ST6GALNAC3: variants seen among roughly 807,000 people sequenced by gnomAD.
The protein encoded by ST6GALNAC3 is alpha-N-acetylgalactosaminide alpha-2,6-sialyltransferase 3.
Under a neutral mutation model 32.7 loss-of-function variants are expected in ST6GALNAC3, and 25 were observed. The ratio of observed to expected loss-of-function variants is 0.76; its 90% CI spans 0.56 to 1.07. The LOEUF is 1.07. Ranked by LOEUF, ST6GALNAC3 falls within the 50% of genes least tolerant of loss-of-function variation. The pLI, the probability that ST6GALNAC3 is intolerant of heterozygous loss-of-function variation, is 0.00. For synonymous variants in ST6GALNAC3, 129 were observed against 133.1 expected (o/e 0.97, Z 0.21); for missense variants, 355 against 382.4 (o/e 0.93, Z 0.60).
chr1:76,182,995 C>CTAGACAT (rs998312299), intron 1 of ST6GALNAC3, among the ~76,000 whole-genome samples: 1 of 152,102 alleles, frequency 6.6e-6, no homozygotes, highest in African/African-American at 2.4e-5. Flanking sequence ...GTGTCTATGG[C>CTAGACAT]TAGACATTAG....
At chr1:76,549,938 G>A (rs1386522759) in intron 3 of ST6GALNAC3, among the ~76,000 whole-genome samples, 4 of 152,188 alleles carry the variant, frequency 2.6e-5, no homozygotes, top group Admixed American at 1.3e-4. Flanking sequence ...GAGGAAGGTC[G>A]AAGATCTTTA....
rs189314653 is a variant in ST6GALNAC3 at position 76,373,437 on chromosome 1, T to C, written c.214-38571T>C. Among the ~76,000 whole-genome samples, 9 of 152,282 alleles carry C rather than the reference T, an allele frequency of 5.9e-5. No individual in the cohort carries two copies. In the East Asian group the frequency reaches 1.7e-3, roughly 29 times the overall value. ...CCAAGGGTAGTTATTACTGTGGTTG[T>C]TATTGTTAGAGTTTTTGTTTTACTT... On this transcript the variant is annotated intron_variant, in intron 2 of 4. Transcript: ENST00000328299.
At chr1:76,251,679 A>G (rs1423026543) in intron 1 of ST6GALNAC3, among the ~76,000 whole-genome samples, 1 of 152,156 alleles carries the variant, frequency 6.6e-6, no homozygotes, top group Non-Finnish European at 1.5e-5. Context: ...GACTTCTGTT[A>G]TGATTCTTAT....
At chr1:76,198,192 A>G (rs770068291) in intron 1 of ST6GALNAC3, among the ~76,000 whole-genome samples, 18 of 152,086 alleles carry the variant, frequency 1.2e-4, no homozygotes, top group African/African-American at 4.3e-4. Context: ...ATGTGCCACC[A>G]CACCCAGCTA....
At chr1:76,204,624 G>A (rs1251362246) in intron 1 of ST6GALNAC3, among the ~76,000 whole-genome samples, 1 of 152,148 alleles carries the variant, frequency 6.6e-6, no homozygotes, top group Non-Finnish European at 1.5e-5. Flanking sequence ...GCACTATTCT[G>A]TATATTCCTA....
At position 76,421,551 on chromosome 1, in the gene ST6GALNAC3, A is replaced by G. The variant is rs372388442; in HGVS notation, c.623+9134A>G. ...TCAGGAGGCAAATATAAGCACCACC[A>G]CAGAAGTCAGAAAACAAAATACCCA... On this transcript the variant is annotated intron_variant, in intron 3 of 4. Coordinates refer to ENST00000328299, the MANE Select transcript of ST6GALNAC3 (RefSeq NM_152996.4). 5.9e-5 allele frequency among the ~76,000 whole-genome samples: 9 copies of G among 152,182 alleles called. No homozygotes were observed. In the South Asian group the frequency reaches 8.3e-4, roughly 14 times the overall value.
intron 1 of ST6GALNAC3, among the ~76,000 whole-genome samples, chr1:76,113,305 G>C (rs528697162): frequency 6.8e-6 from 1 of 147,298 alleles, no homozygotes; most frequent in Non-Finnish European, 1.5e-5. Context: ...TCCAGCTTCC[G>C]CTCGGCATCA....
At chr1:76,133,598 C>A (rs1020089588) in intron 1 of ST6GALNAC3, among the ~76,000 whole-genome samples, 2 of 152,226 alleles carry the variant, frequency 1.3e-5, no homozygotes, top group African/African-American at 4.8e-5. Context: ...TGGTTACCCG[C>A]TGGAGAGCTG....
At chr1:76,477,292 T>A (rs1317597570) in intron 3 of ST6GALNAC3, among the ~76,000 whole-genome samples, 1 of 152,044 alleles carries the variant, frequency 6.6e-6, no homozygotes, top group Non-Finnish European at 1.5e-5. Flanking sequence ...TGACTCACAC[T>A]CTGAATCTTC....
chr1:76,596,226 A>G (rs1156531350), intron 3 of ST6GALNAC3, among the ~76,000 whole-genome samples: 1 of 152,228 alleles, frequency 6.6e-6, no homozygotes, highest in South Asian at 2.1e-4. Flanking sequence ...AGCAGAATTA[A>G]TTACTTCCTA....
chr1:76,592,987 A>G (rs315043), intron 3 of ST6GALNAC3, among the ~76,000 whole-genome samples: 27,122 of 151,792 alleles, frequency 0.18, 3,348 homozygotes, highest in African/African-American at 0.35. Context: ...AGAAATACTC[A>G]TTTTGTCCTC....
At chr1:76,476,243 C>A (rs74907400) in intron 3 of ST6GALNAC3, among the ~76,000 whole-genome samples, 4,226 of 152,128 alleles carry the variant, frequency 0.028, 86 homozygotes, top group Admixed American at 0.068. Context: ...CTATGAAGGA[C>A]CAGACAGTAA....
intron 1 of ST6GALNAC3, among the ~76,000 whole-genome samples, chr1:76,217,239 T>C: frequency 6.6e-6 from 1 of 152,316 alleles, no homozygotes; most frequent in Non-Finnish European, 1.5e-5. Flanking sequence ...GTGTTTTTCT[T>C]GAGAAGAGGA....
At chr1:76,493,799 G>A (rs1286910981) in intron 3 of ST6GALNAC3, among the ~76,000 whole-genome samples, 2 of 152,090 alleles carry the variant, frequency 1.3e-5, no homozygotes, top group Non-Finnish European at 2.9e-5. Flanking sequence ...AAGAGGTATT[G>A]AATTCAGCCA....
chr1:76,314,025 A>T (rs1646820751), intron 2 of ST6GALNAC3, 26 bp downstream of exon 2: 1 of 1,596,442 alleles, frequency 6.3e-7, no homozygotes, highest in South Asian at 1.1e-5. Context: ...GTTACCTAGC[A>T]GTTGGAGAGT....
chr1:76,623,193 C>T (rs1648753235), intron 3 of ST6GALNAC3, among the ~76,000 whole-genome samples: 1 of 151,898 alleles, frequency 6.6e-6, no homozygotes, highest in African/African-American at 2.4e-5. Context: ...TGTCTTCAAG[C>T]ATGTGCTACA....
intron 3 of ST6GALNAC3, among the ~76,000 whole-genome samples, chr1:76,471,875 T>G (rs1390499731): frequency 6.6e-6 from 1 of 152,074 alleles, no homozygotes. Flanking sequence ...CCCTTTTTTT[T>G]TTTTAACAAC....
chr1:76,171,629 T>C (rs1030551270), intron 1 of ST6GALNAC3, among the ~76,000 whole-genome samples: 1 of 150,638 alleles, frequency 6.6e-6, no homozygotes, highest in Non-Finnish European at 1.5e-5. Flanking sequence ...CCCACAGAAA[T>C]ACAAACTGCC....
At chr1:76,171,703 T>C (rs1383825920) in intron 1 of ST6GALNAC3, among the ~76,000 whole-genome samples, 1 of 151,312 alleles carries the variant, frequency 6.6e-6, no homozygotes, top group African/African-American at 2.4e-5. Flanking sequence ...AATGGATAAA[T>C]TCCTGGACAC....
Sources: allele counts gnomAD v4.1 joint callset (sites outside exome capture counted in the v4.1 genomes callset), GRCh38; gene constraint gnomAD v4.1.1; transcripts MANE v1.5; gene names NCBI Gene and HGNC (gene_info 2026-07-23, HGNC 2026-07-21).